Variants in PSMB7 observed in about 807,000 individuals in gnomAD.
PSMB7 encodes proteasome subunit beta type-7.
Under a neutral mutation model 28.1 loss-of-function variants are expected in PSMB7, and 5 were observed. The observed-to-expected ratio is 0.18, with a 90% CI of 0.09 to 0.37. PSMB7 has a LOEUF of 0.37. PSMB7 is among the 10% of genes least tolerant of loss of function. PSMB7 has a pLI of 1.00. For missense variants in PSMB7, 275 were observed against 346.2 expected, an observed-to-expected ratio of 0.79 and a Z score of 1.63; for synonymous variants, 122 against 123.7, an observed-to-expected ratio of 0.99 and a Z score of 0.09.
intron 5 of PSMB7, among the ~76,000 whole-genome samples, chr9:124,395,537 C>A (rs1413779975): frequency 6.6e-6 from 1 of 152,046 alleles, no homozygotes; most frequent in Non-Finnish European, 1.5e-5. Context: ...TTAAAAAGAT[C>A]TGAACCCTAT....
intron 6 of PSMB7, among the ~76,000 whole-genome samples, chr9:124,364,616 CTAA>C (rs1365475614): frequency 6.6e-6 from 1 of 151,550 alleles, no homozygotes. Flanking sequence ...GTGGCAGATA[CTAA>C]TAAGATCCTC....
intron 5 of PSMB7, among the ~76,000 whole-genome samples, chr9:124,400,078 T>TGCACCCCCTGCATGGGTCCCTTGCC (rs1830884353): frequency 6.6e-6 from 1 of 152,132 alleles, no homozygotes; most frequent in Non-Finnish European, 1.5e-5. Context: ...TTGCTTCTGC[T>TGCACCCCCTGCATGGGTCCCTTGCC]GCACCCCCTG....
chr9:124,375,567 A>G (rs928355844), intron 6 of PSMB7, among the ~76,000 whole-genome samples: 1 of 152,208 alleles, frequency 6.6e-6, no homozygotes, highest in African/African-American at 2.4e-5. Context: ...TAACAACCAA[A>G]TATAACCTTA....
rs530454215 is a variant in PSMB7, at chr9:124,381,828, A to G, written c.570+2770T>C. On this transcript the variant is annotated intron_variant, in intron 6 of 7. Coordinates refer to ENST00000259457, the MANE Select transcript of PSMB7 (RefSeq NM_002799.4). ...TAGCACAGTTAGTGGCTTGGTCTTC[A>G]CAATAAATGTTTCCTACTATTAACA... Among the ~76,000 whole-genome samples the G allele has an allele frequency of 2.6e-4, 40 of 152,362 alleles. 4 individuals are homozygous for G. Among genetic ancestry groups the G allele is most frequent in the South Asian group, 2.5e-3 (12 of 4,826 alleles).
intron 6 of PSMB7, among the ~76,000 whole-genome samples, chr9:124,358,131 G>C (rs1368574611): frequency 6.6e-6 from 1 of 152,202 alleles, no homozygotes; most frequent in African/African-American, 2.4e-5. Flanking sequence ...GCTCACCCAA[G>C]CAACACCCTT....
At chr9:124,382,352 C>T (rs891350016) in intron 6 of PSMB7, among the ~76,000 whole-genome samples, 12 of 150,824 alleles carry the variant, frequency 8.0e-5, no homozygotes, top group African/African-American at 1.9e-4. Flanking sequence ...GGATTACAGG[C>T]GCCCGGTACC....
Position 124,365,922 on chromosome 9 carries a change from G to A in PSMB7, c.571-9007C>T, listed in dbSNP as rs114549270. On this transcript the variant is annotated intron_variant, in intron 6 of 7. Coordinates refer to ENST00000259457, the MANE Select transcript of PSMB7 (RefSeq NM_002799.4). Reference sequence around the variant, plus strand: ...AGAGCAAAACCTTGTCTCAAAAAACGAGAGAGAAAGGAGAGAAAGAGAGAG... The same window carrying A: ...AGAGCAAAACCTTGTCTCAAAAAACAAGAGAGAAAGGAGAGAAAGAGAGAG... Among the ~76,000 whole-genome samples the A allele has an allele frequency of 2.9e-3, 445 of 152,166 alleles. 2 individuals are homozygous for A. Among genetic ancestry groups the A allele is most frequent in the African/African-American group, 0.01 (416 of 41,524 alleles).
chr9:124,406,497 C>CA (rs772524538), intron 4 of PSMB7, among the ~76,000 whole-genome samples: 1,150 of 49,588 alleles, frequency 0.023, 16 homozygotes, highest in East Asian at 0.044. Flanking sequence ...AGAGTTGTCT[C>CA]AAAAAAAAAA....
In PSMB7 at chr9:124,384,743, A is replaced by G. The variant is rs1830702854; in HGVS notation, c.512-87T>C. ...TTACCTAGGGGCAAGAAAAACAGCA[A>G]AACATGCCCAGTGTCTCATTCAAGT... On this transcript the variant is annotated intron_variant, in intron 5 of 7. Coordinates refer to ENST00000259457, the MANE Select transcript of PSMB7 (RefSeq NM_002799.4). 5.1e-6 allele frequency: 6 copies of G among 1,183,936 alleles called. No individual in the cohort carries two copies. The East Asian group carries it at 1.4e-4, about 28-fold the overall frequency. 73.3% of individuals were successfully genotyped at this position (1,183,936 alleles called of 1,614,324 possible).
intron 6 of PSMB7, among the ~76,000 whole-genome samples, chr9:124,373,420 T>C (rs1830581262): frequency 1.3e-5 from 2 of 152,252 alleles, no homozygotes; most frequent in African/African-American, 2.4e-5. Context: ...CAATTTATTA[T>C]GTCTAATGCT....
chr9:124,358,112 C>G (rs2131140647), intron 6 of PSMB7, among the ~76,000 whole-genome samples: 1 of 152,330 alleles, frequency 6.6e-6, no homozygotes, highest in South Asian at 2.1e-4. Context: ...CATGCAAGTG[C>G]ACTCCAGCGC....
At chr9:124,365,207 C>T (rs1830495703) in intron 6 of PSMB7, among the ~76,000 whole-genome samples, 1 of 152,106 alleles carries the variant, frequency 6.6e-6, no homozygotes, top group East Asian at 1.9e-4. Context: ...ACAGAGCCTG[C>T]CCATGAGAAT....
At position 124,391,394 on chromosome 9, in the gene PSMB7, T is replaced by C. The variant is rs1469200752; in HGVS notation, c.512-6738A>G. 2.0e-5 allele frequency among the ~76,000 whole-genome samples: 3 copies of C among 152,326 alleles called. No homozygotes were observed. The East Asian group carries it at 5.8e-4, about 29-fold the overall frequency. ...TGAAATCAAGATTAGCAAGTAAGCC[T>C]GGGAGATGGAGCTATCTTTTCTTAG... On this transcript the variant is annotated intron_variant, in intron 5 of 7. Coordinates refer to ENST00000259457, the MANE Select transcript of PSMB7 (RefSeq NM_002799.4).
chr9:124,386,050 T>A (rs1830715568), intron 5 of PSMB7, among the ~76,000 whole-genome samples: 1 of 151,492 alleles, frequency 6.6e-6, no homozygotes, highest in South Asian at 2.1e-4. Context: ...ATAGGAAGCG[T>A]CAAGTGTAAA....
At chr9:124,364,063 T>A (rs983567921) in intron 6 of PSMB7, among the ~76,000 whole-genome samples, 14 of 152,310 alleles carry the variant, frequency 9.2e-5, no homozygotes, top group Admixed American at 5.2e-4. Context: ...AACAGGACGG[T>A]TAGCACGTCC....
intron 6 of PSMB7, chr9:124,383,893 G>C (rs1830692530): frequency 6.6e-6 from 1 of 152,192 alleles, no homozygotes; most frequent in Admixed American, 6.5e-5. Flanking sequence ...TACCATGATG[G>C]ATCCAGGCAT....
At chr9:124,377,919 A>G (rs978694738) in intron 6 of PSMB7, among the ~76,000 whole-genome samples, 8 of 152,124 alleles carry the variant, frequency 5.3e-5, no homozygotes, top group Non-Finnish European at 7.4e-5. Flanking sequence ...AGACTAGGGG[A>G]AAAAAAAGAT....
At chr9:124,361,855 C>T (rs1830467962) in intron 6 of PSMB7, among the ~76,000 whole-genome samples, 1 of 152,186 alleles carries the variant, frequency 6.6e-6, no homozygotes, top group Non-Finnish European at 1.5e-5. Context: ...ATAGTACTGC[C>T]AAGAAACTTT....
intron 6 of PSMB7, among the ~76,000 whole-genome samples, chr9:124,357,209 G>T (rs987472051): frequency 6.6e-6 from 1 of 152,112 alleles, no homozygotes; most frequent in Non-Finnish European, 1.5e-5. Flanking sequence ...CTTTAAAAGG[G>T]CCAGGTAGTA....
Sources: gnomAD v4.1 joint callset for allele counts (sites outside exome capture counted in the v4.1 genomes callset) on GRCh38, gnomAD v4.1.1 for gene constraint, MANE v1.5 for transcripts, NCBI Gene and HGNC (gene_info 2026-07-23, HGNC 2026-07-21) for gene names.